Variants in CHSY3 observed in about 807,000 individuals in gnomAD.
The protein encoded by CHSY3 is N-acetylgalactosaminyl-proteoglycan 3-beta-glucuronosyltransferase 3.
CHSY3 carries 35 observed loss-of-function variants against 67.2 expected under a neutral mutation model. The ratio of observed to expected loss-of-function variants is 0.52; its 90% CI spans 0.40 to 0.69. The LOEUF is 0.69. Among genes scored for constraint, CHSY3 ranks in the 30% least tolerant of loss-of-function variants. The probability of loss-of-function intolerance (pLI) is 0.00; values close to 1 mark genes in which losing one functional copy is unlikely to be tolerated. For synonymous variants in CHSY3, 474 were observed against 434.7 expected (o/e 1.09, Z -1.12); for missense variants, 1,069 against 1,138.5 (o/e 0.94, Z 0.88).
At chr5:129,946,875 ATAC>A (rs1761871546) in intron 2 of CHSY3, among the ~76,000 whole-genome samples, 1 of 152,220 alleles carries the variant, frequency 6.6e-6, no homozygotes, top group African/African-American at 2.4e-5. Flanking sequence ...ATTGTGAATA[ATAC>A]TACAATGAAC....
Position 130,085,467 on chromosome 5 carries a change from A to C in CHSY3, c.1087-98762A>C, listed in dbSNP as rs188201990. ...AAAGCACAGAAACTTCCCCTTTATC[A>C]TTTTTTATTGTGTCTATTTGATTCT... On this transcript the variant is annotated intron_variant, in intron 2 of 2. Transcript: ENST00000305031. 5.2e-3 allele frequency among the ~76,000 whole-genome samples: 785 copies of C among 151,998 alleles called. 1 individual carries two copies. The highest frequency in any genetic ancestry group is 7.6e-3 in the Non-Finnish European group (519 of 67,934).
At chr5:130,033,254 T>G (rs1296011394) in intron 2 of CHSY3, among the ~76,000 whole-genome samples, 1 of 152,204 alleles carries the variant, frequency 6.6e-6, no homozygotes, top group African/African-American at 2.4e-5. Flanking sequence ...TACAGTCTAG[T>G]GTAATCATCA....
At chr5:129,910,059 A>G (rs1452604440) in intron 2 of CHSY3, among the ~76,000 whole-genome samples, 1 of 152,010 alleles carries the variant, frequency 6.6e-6, no homozygotes, top group African/African-American at 2.4e-5. Context: ...ATGCACAAAA[A>G]TTGGGAGCTC....
chr5:130,129,879 C>T (rs762222238), intron 2 of CHSY3, among the ~76,000 whole-genome samples: 1 of 152,104 alleles, frequency 6.6e-6, no homozygotes, highest in African/African-American at 2.4e-5. Context: ...AGCCGTCAAG[C>T]ACTGTATACA....
intron 2 of CHSY3, chr5:130,140,540 T>C: frequency 1.5e-6 from 1 of 654,870 alleles, no homozygotes; most frequent in Non-Finnish European, 2.5e-6. Flanking sequence ...CTTAGAATTA[T>C]CAGTAAGCCA....
intron 2 of CHSY3, among the ~76,000 whole-genome samples, chr5:130,116,058 A>G (rs943223314): frequency 6.6e-6 from 1 of 152,184 alleles, no homozygotes; most frequent in Non-Finnish European, 1.5e-5. Context: ...GACCAACCTA[A>G]GTGCATTATT....
At position 130,153,167 on chromosome 5, in the gene CHSY3, G is replaced by T. The variant is rs569649332; in HGVS notation, c.1087-31062G>T. ...AATTGCTTGAGTCTGGAAGGCGGAG[G>T]TTGCAGTGAGGCAGTGAGCAGAGAT... On this transcript the variant is annotated intron_variant, in intron 2 of 2. Coordinates refer to ENST00000305031, the MANE Select transcript of CHSY3 (RefSeq NM_175856.5). Among the ~76,000 whole-genome samples, 9 of 152,178 alleles carry T rather than the reference G, an allele frequency of 5.9e-5. No individual in the cohort carries two copies. In the East Asian group the frequency reaches 1.5e-3, roughly 26 times the overall value.
intron 2 of CHSY3, among the ~76,000 whole-genome samples, chr5:130,075,803 G>A (rs189850868): frequency 6.6e-6 from 1 of 152,104 alleles, no homozygotes; most frequent in African/African-American, 2.4e-5. Context: ...ATAGGCCAAT[G>A]TAATTCATTC....
rs765282819 is a variant in CHSY3 at position 130,114,384 on chromosome 5, A to G, written c.1087-69845A>G. The G allele has an allele frequency of 3.3e-5, 5 of 152,144 alleles. No homozygotes were observed. The East Asian group carries it at 9.6e-4, about 29-fold the overall frequency. The allele number at this position is 152,144 out of a possible 1,614,324, so 9.4% of individuals were successfully genotyped here. On this transcript the variant is annotated intron_variant, in intron 2 of 2. Coordinates refer to ENST00000305031, the MANE Select transcript of CHSY3 (RefSeq NM_175856.5). ...TGAAAACTCTAAAGCCCCTAAGTGA[A>G]GTTAGAAATGTGGAAAAAGTCTACG...
Position 130,186,357 on chromosome 5 carries a change from T to C in CHSY3, c.*566T>C, listed in dbSNP as rs973458308. On this transcript the variant is annotated 3_prime_UTR_variant, in exon 3 of 3. Coordinates refer to ENST00000305031, the MANE Select transcript of CHSY3 (RefSeq NM_175856.5). ...TACCTATGATTGTATGTTTATTTTT[T>C]AAAAAAAGTTTTAAAAATTGAGGAG... is the stretch of plus-strand genomic sequence containing the variant. The C allele has an allele frequency of 6.6e-6, 1 of 150,572 alleles. No individual in the cohort carries two copies. Among genetic ancestry groups the C allele is most frequent in the Non-Finnish European group, 1.5e-5 (1 of 68,028 alleles). The allele number at this position is 150,572 out of a possible 1,614,324, so 9.3% of individuals were successfully genotyped here. A position where few individuals can be genotyped will look rare whatever the true frequency, so the allele number is the denominator to read the frequency against.
At chr5:130,128,240 G>GTGTT (rs1292355921) in intron 2 of CHSY3, among the ~76,000 whole-genome samples, 2 of 150,576 alleles carry the variant, frequency 1.3e-5, no homozygotes, top group Non-Finnish European at 2.9e-5. Context: ...GTGTGTGTGT[G>GTGTT]TGTGTGTGTG....
chr5:130,043,678 T>C (rs545601034), intron 2 of CHSY3, among the ~76,000 whole-genome samples: 1 of 152,296 alleles, frequency 6.6e-6, no homozygotes, highest in Non-Finnish European at 1.5e-5. Flanking sequence ...TCACATATAA[T>C]GCTGGTTAGT....
At chr5:129,927,109 T>TA (rs1491503235) in intron 2 of CHSY3, among the ~76,000 whole-genome samples, 1 of 151,952 alleles carries the variant, frequency 6.6e-6, no homozygotes, top group Non-Finnish European at 1.5e-5. Flanking sequence ...ATTTTAGTAT[T>TA]CTGTTTTTTT....
chr5:130,114,190 A>G (rs1429286393), intron 2 of CHSY3, among the ~76,000 whole-genome samples: 1 of 152,188 alleles, frequency 6.6e-6, no homozygotes, highest in Non-Finnish European at 1.5e-5. Context: ...TCTTGATATT[A>G]GCTTATAAGG....
intron 2 of CHSY3, among the ~76,000 whole-genome samples, chr5:130,046,494 A>G (rs1765153953): frequency 6.6e-6 from 1 of 152,128 alleles, no homozygotes; most frequent in Admixed American, 6.6e-5. Context: ...ATTATCTCAA[A>G]TATCTGGTGA....
intron 2 of CHSY3, among the ~76,000 whole-genome samples, chr5:130,160,905 TTTTA>T (rs1769517941): frequency 6.9e-6 from 1 of 145,184 alleles, no homozygotes; most frequent in African/African-American, 2.6e-5. Context: ...ATTTTTTTTT[TTTTA>T]TTTTTTTTTT....
chr5:130,119,485 C>G lies in CHSY3; in HGVS notation c.1087-64744C>G, dbSNP rs117237014. Among the ~76,000 whole-genome samples, 724 of 152,144 alleles carry G rather than the reference C, an allele frequency of 4.8e-3. 20 individuals carry two copies. In the East Asian group the frequency reaches 0.084, roughly 18 times the overall value. ...AGTGTGCTAAACAGCTTTGAGGGGC[C>G]TCAGGTCGCAGGGAGGAGCTCCCCA... is the stretch of plus-strand genomic sequence containing the variant. On this transcript the variant is annotated intron_variant, in intron 2 of 2. Coordinates refer to ENST00000305031, the MANE Select transcript of CHSY3 (RefSeq NM_175856.5).
chr5:130,067,499 A>G (rs1364841620), intron 2 of CHSY3, among the ~76,000 whole-genome samples: 1 of 152,128 alleles, frequency 6.6e-6, no homozygotes, highest in African/African-American at 2.4e-5. Flanking sequence ...GCATGATTCT[A>G]GAGTATTTAT....
chr5:130,077,468 T>C (rs1192080419), intron 2 of CHSY3, among the ~76,000 whole-genome samples: 2 of 152,118 alleles, frequency 1.3e-5, no homozygotes, highest in African/African-American at 4.8e-5. Flanking sequence ...GCTGATAGAA[T>C]AAATATAGGA....
Sources: gnomAD v4.1 joint callset for allele counts (sites outside exome capture counted in the v4.1 genomes callset) on GRCh38, gnomAD v4.1.1 for gene constraint, MANE v1.5 for transcripts, NCBI Gene and HGNC (gene_info 2026-07-23, HGNC 2026-07-21) for gene names.